The following BRD10 variants were observed in gnomAD, a reference collection of about 807,000 sequenced individuals.
The protein encoded by BRD10 is uncharacterized bromodomain-containing protein 10.
At chr9:5,965,807 T>C in the BRD10 span, among the ~76,000 whole-genome samples, 2 of 152,186 alleles carry the variant, frequency 1.3e-5, no homozygotes, top group Non-Finnish European at 2.9e-5. Context: ...AAGACTGGAT[T>C]AAGGTATGCC....
the BRD10 span, among the ~76,000 whole-genome samples, chr9:5,964,283 C>T: frequency 0.014 from 2,039 of 148,724 alleles, 26 homozygotes; most frequent in Non-Finnish European, 0.022. Flanking sequence ...GACATTTATG[C>T]AGCCAAAAAA....
the BRD10 span, chr9:5,922,158 T>C: frequency 3.1e-6 from 5 of 1,613,870 alleles, no homozygotes; most frequent in African/African-American, 2.7e-5. Context: ...CTAACAAGAA[T>C]TGACTGTGAA....
chr9:5,924,196 G>C, the BRD10 span, among the ~76,000 whole-genome samples: 1 of 152,162 alleles, frequency 6.6e-6, no homozygotes, highest in Non-Finnish European at 1.5e-5. Context: ...GATCAAGGGT[G>C]TGTGGTTTGT....
chr9:5,887,105 A>C, the BRD10 span, among the ~76,000 whole-genome samples: 2 of 152,172 alleles, frequency 1.3e-5, no homozygotes, highest in Non-Finnish European at 2.9e-5. Flanking sequence ...CTAAAAATAC[A>C]AAAACTAGCT....
the BRD10 span, among the ~76,000 whole-genome samples, chr9:5,926,651 C>A: frequency 6.6e-6 from 1 of 152,120 alleles, no homozygotes; most frequent in African/African-American, 2.4e-5. Context: ...CCTGCTTCAG[C>A]CTCCTGAGTA....
the BRD10 span, among the ~76,000 whole-genome samples, chr9:5,947,966 G>C: frequency 6.6e-6 from 1 of 152,166 alleles, no homozygotes; most frequent in East Asian, 1.9e-4. Context: ...TAGCAGCTCA[G>C]ATTACAGTCA....
At chr9:6,002,257 T>C in the BRD10 span, among the ~76,000 whole-genome samples, 1 of 152,234 alleles carries the variant, frequency 6.6e-6, no homozygotes, top group African/African-American at 2.4e-5. Context: ...AACTCTTTCA[T>C]ACTTCTGTTA....
At chr9:5,945,581 T>G in the BRD10 span, among the ~76,000 whole-genome samples, 1 of 152,120 alleles carries the variant, frequency 6.6e-6, no homozygotes, top group Non-Finnish European at 1.5e-5. Context: ...GTGGCTCATT[T>G]CATTTCACCT....
chr9:5,973,724 T>TA, the BRD10 span, among the ~76,000 whole-genome samples: 9 of 151,300 alleles, frequency 5.9e-5, no homozygotes, highest in Admixed American at 1.3e-4. Flanking sequence ...TTTCATCTCT[T>TA]AAAAAAAACG....
the BRD10 span, among the ~76,000 whole-genome samples, chr9:5,915,350 C>T: frequency 6.6e-5 from 10 of 152,080 alleles, no homozygotes; most frequent in Admixed American, 1.3e-4. Flanking sequence ...TGGTAGGCAC[C>T]GGGCTAAGTA....
At chr9:6,007,625 C>A in the BRD10 span, 97 of 1,602,848 alleles carry the variant, frequency 6.1e-5, 1 homozygote, top group East Asian at 1.9e-3. Context: ...TCCTCCTGAT[C>A]GTCCGCGTCC....
the BRD10 span, among the ~76,000 whole-genome samples, chr9:5,981,137 T>C: frequency 5.3e-5 from 8 of 152,252 alleles, no homozygotes; most frequent in Admixed American, 1.3e-4. Context: ...TCTGTATCAA[T>C]AGGCAACCTC....
the BRD10 span, among the ~76,000 whole-genome samples, chr9:5,941,582 A>C: frequency 6.6e-6 from 1 of 152,172 alleles, no homozygotes; most frequent in Non-Finnish European, 1.5e-5. Context: ...AACTGCGTAT[A>C]AATTTCAGAA....
At chr9:5,957,326 G>C in the BRD10 span, among the ~76,000 whole-genome samples, 6 of 152,098 alleles carry the variant, frequency 3.9e-5, no homozygotes, top group African/African-American at 1.4e-4. Flanking sequence ...CAAAGTCTAA[G>C]CTCCTTCCAT....
the BRD10 span, among the ~76,000 whole-genome samples, chr9:5,916,233 GCTAA>G: frequency 6.6e-6 from 1 of 152,018 alleles, no homozygotes; most frequent in Non-Finnish European, 1.5e-5. Flanking sequence ...AGTAACTTTG[GCTAA>G]CTAAAATCCC....
At chr9:5,996,784 A>G in the BRD10 span, among the ~76,000 whole-genome samples, 1 of 152,356 alleles carries the variant, frequency 6.6e-6, no homozygotes, top group East Asian at 1.9e-4. Flanking sequence ...TGTGATAAGC[A>G]TTTTTAGTAA....
chr9:6,000,057 A>AG, the BRD10 span, among the ~76,000 whole-genome samples: 1 of 152,188 alleles, frequency 6.6e-6, no homozygotes, highest in African/African-American at 2.4e-5. Context: ...TGCTTATTGT[A>AG]GAATATCTAG....
chr9:5,928,424 C>T, the BRD10 span, among the ~76,000 whole-genome samples: 2 of 152,132 alleles, frequency 1.3e-5, no homozygotes, highest in Non-Finnish European at 2.9e-5. Context: ...CCTTCAATGG[C>T]TTCTCACCTA....
At chr9:5,930,257 A>C in the BRD10 span, among the ~76,000 whole-genome samples, 1 of 151,558 alleles carries the variant, frequency 6.6e-6, no homozygotes, top group African/African-American at 2.4e-5. Flanking sequence ...TCCTACAGCA[A>C]CTGTTGAGTC....
Sources: allele counts gnomAD v4.1 joint callset (sites outside exome capture counted in the v4.1 genomes callset), GRCh38; gene constraint gnomAD v4.1.1; transcripts MANE v1.5; gene names NCBI Gene and HGNC (gene_info 2026-07-23, HGNC 2026-07-21).